FLVCR2: variants seen among roughly 807,000 people sequenced by gnomAD.
FLVCR2 encodes choline/ethanolamine transporter FLVCR2.
In FLVCR2, 38 loss-of-function variants were observed where a neutral mutation model predicts 48.9. The ratio of observed to expected loss-of-function variants is 0.78; its 90% confidence interval spans 0.60 to 1.02. The LOEUF is 1.02. Among genes scored for constraint, FLVCR2 ranks in the 50% least tolerant of loss-of-function variants. The probability of loss-of-function intolerance (pLI) is 0.00; values close to 1 mark genes in which losing one functional copy is unlikely to be tolerated. For missense variants in FLVCR2, 664 were observed against 663.3 expected, an observed-to-expected ratio of 1.00 and a Z score of -0.01; for synonymous variants, 255 against 257.0, an observed-to-expected ratio of 0.99 and a Z score of 0.07.
At chr14:75,600,370 A>G (rs1889135998) in intron 1 of FLVCR2, among the ~76,000 whole-genome samples, 1 of 152,236 alleles carries the variant, frequency 6.6e-6, no homozygotes, top group Admixed American at 6.5e-5. Flanking sequence ...TCAAGAAGTA[A>G]CAATAAATAT....
rs1387323178 is a variant in FLVCR2 at position 75,641,651 on chromosome 14, CT to C, written c.1454-191del. On this transcript the variant is annotated intron_variant, in intron 8 of 9. Coordinates refer to ENST00000238667, the MANE Select transcript of FLVCR2 (RefSeq NM_017791.3). ...TGAAGGCCACTGTCATTGTTGGCTTCTGCCTGTCAGGGACGGCAGTGATCCT... is the reference window on the plus strand; with the variant it reads ...TGAAGGCCACTGTCATTGTTGGCTTCGCCTGTCAGGGACGGCAGTGATCCT... 8.5e-5 allele frequency among the ~76,000 whole-genome samples: 13 copies of C among 152,352 alleles called. No individual in the cohort carries two copies. The East Asian group carries it at 2.5e-3, about 29-fold the overall frequency.
chr14:75,647,883 A>ATGTG lies in FLVCR2; in HGVS notation c.*1425_*1428dup, dbSNP rs138622317. ...AGGAGCCAGGTTTGTGTGTGTCTGC[A>ATGTG]TGTGTGTGTGTGTGTGTTTGTACAG... is the stretch of plus-strand genomic sequence containing the variant. On this transcript the variant is annotated 3_prime_UTR_variant, in exon 10 of 10. Coordinates refer to ENST00000238667, the MANE Select transcript of FLVCR2 (RefSeq NM_017791.3). 4.0e-5 allele frequency: 6 copies of ATGTG among 151,850 alleles called. No homozygotes were observed. The highest frequency in any genetic ancestry group is 3.3e-4 in the Admixed American group (5 of 15,164). The allele number at this position is 151,850 out of a possible 1,614,324, so 9.4% of individuals were successfully genotyped here.
At chr14:75,643,593 TG>T (rs1354193590) in intron 9 of FLVCR2, among the ~76,000 whole-genome samples, 1 of 152,246 alleles carries the variant, frequency 6.6e-6, no homozygotes, top group Non-Finnish European at 1.5e-5. Flanking sequence ...ATTTGTCTTT[TG>T]CTATTACGTT....
In FLVCR2 at chr14:75,581,701, C is replaced by T. The variant is rs11844793; in HGVS notation, c.669+2060C>T. On this transcript the variant is annotated intron_variant, in intron 1 of 9. Transcript: ENST00000238667. ...CAAGAGGTATTTTAGTTTCCTGACT[C>T]GGGGCATGTGAGTAAAGTCAATTTG... 4.3e-3 allele frequency among the ~76,000 whole-genome samples: 650 copies of T among 152,264 alleles called. 3 individuals carry two copies. Among genetic ancestry groups the T allele is most frequent in the African/African-American group, 0.014 (573 of 41,546 alleles).
Position 75,614,989 on chromosome 14 carries a change from A to G in FLVCR2, c.670-7090A>G, listed in dbSNP as rs147649027. ...GCCCCTTCCTTGGCACATGGGGATT[A>G]CAATTCGAGATGAGATTTTGGTGGG... On this transcript the variant is annotated intron_variant, in intron 1 of 9. Transcript: ENST00000238667. 7.9e-5 allele frequency among the ~76,000 whole-genome samples: 12 copies of G among 152,350 alleles called. 1 individual carries two copies. The East Asian group carries it at 2.3e-3, about 29-fold the overall frequency.
intron 3 of FLVCR2, chr14:75,632,667 C>T (rs1890074322): frequency 1.4e-6 from 1 of 702,212 alleles, no homozygotes. Flanking sequence ...AGCTATGTGT[C>T]CTGACTTACA....
At chr14:75,598,659 A>G (rs907945387) in intron 1 of FLVCR2, among the ~76,000 whole-genome samples, 3 of 152,076 alleles carry the variant, frequency 2.0e-5, no homozygotes, top group African/African-American at 7.2e-5. Context: ...TATTTTTTGT[A>G]GAATCTGGGT....
chr14:75,624,575 T>C, intron 2 of FLVCR2, 37 bp from the exon 3 acceptor site: 2 of 1,613,868 alleles, frequency 1.2e-6, no homozygotes, highest in Non-Finnish European at 1.7e-6. Flanking sequence ...GGTGGGACCA[T>C]GGGAATTTTC....
chr14:75,636,418 A>G (rs1387154196), intron 5 of FLVCR2, among the ~76,000 whole-genome samples: 2 of 152,218 alleles, frequency 1.3e-5, no homozygotes, highest in Non-Finnish European at 2.9e-5. Flanking sequence ...ACACAAGAGC[A>G]GTGAGGACTG....
intron 1 of FLVCR2, among the ~76,000 whole-genome samples, chr14:75,611,620 C>T (rs145923314): frequency 2.0e-5 from 3 of 152,130 alleles, no homozygotes; most frequent in South Asian, 2.1e-4. Context: ...TGTCTGTGGT[C>T]GCAGCTACTT....
chr14:75,588,381 C>T (rs28648582), intron 1 of FLVCR2, among the ~76,000 whole-genome samples: 17,519 of 152,222 alleles, frequency 0.12, 1,759 homozygotes, highest in African/African-American at 0.26. Context: ...TTGATCCATT[C>T]ATGAAGGTAG....
intron 1 of FLVCR2, among the ~76,000 whole-genome samples, chr14:75,618,185 T>A (rs1318865194): frequency 6.6e-6 from 1 of 152,152 alleles, no homozygotes; most frequent in Non-Finnish European, 1.5e-5. Flanking sequence ...GGAAAATAGC[T>A]AGGAGCAGAG....
At position 75,579,100 on chromosome 14, in the gene FLVCR2, C is replaced by T; in HGVS notation, c.128C>T (p.Pro43Leu). The T allele has an allele frequency of 6.2e-7, 1 of 1,614,108 alleles. No individual in the cohort carries two copies. Among genetic ancestry groups the T allele is most frequent in the Non-Finnish European group, 8.5e-7 (1 of 1,179,980 alleles). The change falls in exon 1 of 10, where the codon CCC becomes CTC. Residue 43 changes from proline (P) to leucine (L), a missense_variant. By Grantham distance (98) the Pro-to-Leu change is moderately conservative. Coordinates refer to ENST00000238667, the MANE Select transcript of FLVCR2 (RefSeq NM_017791.3). ...GTCCATCCCAGCGTCTCCATCAACC[C>T]CAGCGTCTCTGTCCACCCCAGCAGT... ...VSVHPSVSIN[P>L]SVSVHPSSSA...
At chr14:75,618,133 G>T (rs1889661818) in intron 1 of FLVCR2, among the ~76,000 whole-genome samples, 1 of 152,194 alleles carries the variant, frequency 6.6e-6, no homozygotes, top group Non-Finnish European at 1.5e-5. Context: ...AGTCACTGCA[G>T]GGTGTTAAGC....
At chr14:75,613,709 C>T (rs981260668) in intron 1 of FLVCR2, among the ~76,000 whole-genome samples, 2 of 152,024 alleles carry the variant, frequency 1.3e-5, no homozygotes, top group African/African-American at 2.4e-5. Flanking sequence ...CATCACCATG[C>T]CCAGCTAATT....
intron 1 of FLVCR2, chr14:75,605,922 C>T (rs1198808088): frequency 7.0e-6 from 3 of 427,498 alleles, no homozygotes; most frequent in Non-Finnish European, 1.3e-5. Context: ...GCTGGGTCTC[C>T]TTTGGCGGCT....
At chr14:75,631,800 C>A (rs1385596298) in intron 3 of FLVCR2, 3 of 455,920 alleles carry the variant, frequency 6.6e-6, no homozygotes, top group Non-Finnish European at 1.3e-5. Flanking sequence ...TCTCTTCACT[C>A]GGAAATGGAC....
intron 1 of FLVCR2, among the ~76,000 whole-genome samples, chr14:75,599,158 C>T (rs1384865394): frequency 6.6e-6 from 1 of 152,206 alleles, no homozygotes; most frequent in African/African-American, 2.4e-5. Flanking sequence ...GAAAAAGACA[C>T]ATTCAAAGCC....
At chr14:75,582,924 G>A (rs8181958) in intron 1 of FLVCR2, among the ~76,000 whole-genome samples, 34,644 of 152,046 alleles carry the variant, frequency 0.23, 4,195 homozygotes, top group East Asian at 0.33. Context: ...AGCTGGACAC[G>A]ATCAGCAGGG....
Sources: allele counts gnomAD v4.1 joint callset (sites outside exome capture counted in the v4.1 genomes callset), GRCh38; gene constraint gnomAD v4.1.1; transcripts MANE v1.5; gene names NCBI Gene and HGNC (gene_info 2026-07-23, HGNC 2026-07-21).